The following ZNF671 variants were observed in gnomAD, a reference collection of about 807,000 sequenced individuals.
ZNF671 encodes hypothetical protein FLJ23506.
A neutral mutation model predicts 16.6 loss-of-function variants in ZNF671; 19 were observed. The ratio of observed to expected loss-of-function variants is 1.14; its 90% CI spans 0.80 to 1.68. ZNF671 has a LOEUF of 1.68. ZNF671 is among the 40% of genes most tolerant of loss of function. The pLI, the probability that ZNF671 is intolerant of heterozygous loss-of-function variation, is 0.00. For synonymous variants in ZNF671, 238 were observed against 236.3 expected (o/e 1.01, Z -0.06); for missense variants, 637 against 659.8 (o/e 0.97, Z 0.38).
chr19:57,720,621 T>C lies in ZNF671; in HGVS notation c.1465A>G (p.Thr489Ala), dbSNP rs1346994059. Residue 489 changes from threonine (T) to alanine (A), a missense_variant, in exon 4 of 4, where the codon ACT becomes GCT. By Grantham distance (58) the Thr-to-Ala change is moderately conservative. Transcript: ENST00000317398. ...YECSKCGKAF[T>A]QRPNLIRHWK... is the part of the protein sequence containing the mutation. ...TGCCTGATGAGGTTGGGTCTTTGAGTGAAGGCTTTCCCGCACTTGCTGCAC... is the reference window on the plus strand; with the variant it reads ...TGCCTGATGAGGTTGGGTCTTTGAGCGAAGGCTTTCCCGCACTTGCTGCAC... 7 of 1,614,050 alleles carry C rather than the reference T, an allele frequency of 4.3e-6. No homozygotes were observed. The highest frequency in any genetic ancestry group is 5.9e-6 in the Non-Finnish European group (7 of 1,180,048).
Position 57,721,585 on chromosome 19 carries a change from G to C in ZNF671, c.501C>G (p.Asp167Glu). 6.2e-7 allele frequency: 1 copy of C among 1,614,150 alleles called. No homozygotes were observed. The highest frequency in any genetic ancestry group is 8.5e-7 in the Non-Finnish European group (1 of 1,180,042). ...LMAELESHPC[D>E]ICGPILKDTL... ...TATCTTTCAATATTGGGCCACATATGTCACATGGGTGAGACTCCAGCTCTG... is the reference window on the plus strand; with the variant it reads ...TATCTTTCAATATTGGGCCACATATCTCACATGGGTGAGACTCCAGCTCTG... Residue 167 changes from aspartate (D) to glutamate (E), a missense_variant, in exon 4 of 4, where the codon GAC becomes GAG. Coordinates refer to ENST00000317398, the MANE Select transcript of ZNF671 (RefSeq NM_024833.3).
chr19:57,726,601 C>A (rs972481202), intron 1 of ZNF671, among the ~76,000 whole-genome samples: 5 of 152,040 alleles, frequency 3.3e-5, no homozygotes, highest in African/African-American at 4.8e-5. Flanking sequence ...TTAAGACTGC[C>A]CCACTTAAAT....
chr19:57,722,937 GA>G (rs1257550137), intron 2 of ZNF671, among the ~76,000 whole-genome samples: 1 of 152,044 alleles, frequency 6.6e-6, no homozygotes, highest in Non-Finnish European at 1.5e-5. Flanking sequence ...GAAAGGGACA[GA>G]ACCTTGGGCA....
chr19:57,723,395 A>T, intron 1 of ZNF671, 55 bp from the exon 2 acceptor site: 1 of 1,554,692 alleles, frequency 6.4e-7, no homozygotes, highest in Admixed American at 1.9e-5. Context: ...AATGATCCCC[A>T]GTCTACCTAC....
rs200134520 is a variant in ZNF671 at position 57,720,633 on chromosome 19, C to T, written c.1453G>A (p.Gly485Arg). ...TTGGGTCTTTGAGTGAAGGCTTTCC[C>T]GCACTTGCTGCACTCATAAGGCTTT... ...GEKPYECSKCGKAFTQRPNLI... is the reference protein window; with the variant it reads ...GEKPYECSKCRKAFTQRPNLI... Residue 485 changes from glycine (G) to arginine (R), a missense_variant, in exon 4 of 4, where the codon GGG becomes AGG. Transcript: ENST00000317398. 29 of 1,614,184 alleles carry T rather than the reference C, an allele frequency of 1.8e-5. No homozygotes were observed. The East Asian group carries it at 3.3e-4, about 19-fold the overall frequency.
chr19:57,720,283 G>C lies in ZNF671; in HGVS notation c.*198C>G. On this transcript the variant is annotated 3_prime_UTR_variant, in exon 4 of 4. Transcript: ENST00000317398. ...CCAGAGTTCCACTCTAGGGTGAGCT[G>C]TTGGGCTGAACAGAGACAGCACATT... The C allele has an allele frequency of 1.3e-6, 1 of 747,254 alleles. No individual in the cohort carries two copies. The highest frequency in any genetic ancestry group is 2.2e-6 in the Non-Finnish European group (1 of 458,174). 46.3% of individuals were successfully genotyped at this position (747,254 alleles called of 1,614,324 possible).
chr19:57,724,024 C>CA (rs1568468300), intron 1 of ZNF671, among the ~76,000 whole-genome samples: 1 of 140,230 alleles, frequency 7.1e-6, no homozygotes, highest in African/African-American at 2.8e-5. Context: ...AGTCTGGCGA[C>CA]AGAGTGAGAC....
rs1000798392 is a variant in ZNF671 at position 57,720,122 on chromosome 19, A to G, written c.*359T>C. 7 of 243,528 alleles carry G rather than the reference A, an allele frequency of 2.9e-5. No individual in the cohort carries two copies. Among genetic ancestry groups the G allele is most frequent in the East Asian group, 8.4e-5 (1 of 11,946 alleles). The allele number at this position is 243,528 out of a possible 1,614,324, so 15.1% of individuals were successfully genotyped here. ...ATGGCTCCTGCCCCAGCAAAGGCCA[A>G]TAGCCATTTAAAAAGTGCAACACAG... On this transcript the variant is annotated 3_prime_UTR_variant, in exon 4 of 4. Transcript: ENST00000317398.
chr19:57,720,652 A>T lies in ZNF671; in HGVS notation c.1434T>A (p.Pro478=), dbSNP rs771536597. The T allele has an allele frequency of 1.2e-6, 2 of 1,614,166 alleles. No homozygotes were observed. The highest frequency in any genetic ancestry group is 2.2e-5 in the South Asian group (2 of 91,088). Residue 478 remains proline, a synonymous_variant, in exon 4 of 4, where the codon CCT becomes CCA. Transcript: ENST00000317398. ...CTTTCCCGCACTTGCTGCACTCATA[A>T]GGCTTTTCTCCAGAGTGAACTTTCT... is the stretch of plus-strand genomic sequence containing the variant. The part of the protein sequence containing the change: ...QHQKVHSGEK[P]YECSKCGKAF...
chr19:57,726,738 A>G (rs1253324040), intron 1 of ZNF671, among the ~76,000 whole-genome samples: 1 of 152,166 alleles, frequency 6.6e-6, no homozygotes, highest in Non-Finnish European at 1.5e-5. Context: ...CTCCACTCTG[A>G]GACATCTCAA....
intron 3 of ZNF671, 93 bp from the exon 4 acceptor site, chr19:57,721,790 G>A: frequency 1.3e-6 from 2 of 1,488,054 alleles, no homozygotes; most frequent in Non-Finnish European, 1.8e-6. Context: ...GCAGGAATAA[G>A]TTCATGAAAC....
Position 57,721,266 on chromosome 19 carries a change from G to C in ZNF671, c.820C>G (p.Leu274Val). ...TGTCCCATGAGAAAGCCACTCACAAGCTTAGTGCTCTTGTGGGGCTTCATG... is the reference window on the plus strand; with the variant it reads ...TGTCCCATGAGAAAGCCACTCACAACCTTAGTGCTCTTGTGGGGCTTCATG... Reference protein sequence around the residue: ...SSMKPHKSTKLVSGFLMGQRY... With the variant: ...SSMKPHKSTKVVSGFLMGQRY... The change falls in exon 4 of 4, where the codon CTT becomes GTT. Residue 274 changes from leucine (L) to valine (V), a missense_variant. Transcript: ENST00000317398. 6.3e-7 allele frequency: 1 copy of C among 1,592,966 alleles called. No homozygotes were observed. The highest frequency in any genetic ancestry group is 8.6e-7 in the Non-Finnish European group (1 of 1,167,852).
In ZNF671 at chr19:57,721,618, AG is replaced by A; in HGVS notation, c.467del (p.Thr156IlefsTer18). The A allele has an allele frequency of 6.2e-7, 1 of 1,614,192 alleles. No individual in the cohort carries two copies. Among genetic ancestry groups the A allele is most frequent in the South Asian group, 1.1e-5 (1 of 91,090 alleles). On this transcript the variant is annotated frameshift_variant, in exon 4 of 4. Transcript: ENST00000317398. LOFTEE classifies it low-confidence loss of function (END_TRUNC). Reference protein sequence around the residue: ...IFVAGVSEVRTLMAELESHPC... With the variant: ...IFVAGVSEVRXLMAELESHPC... ...GGTGAGACTCCAGCTCTGCCATGAG[AG>A]TCCTGACCTCTGACACTCCTGCTAC...
At chr19:57,722,507 A>G (rs1011171984) in intron 2 of ZNF671, 69 bp from the exon 3 acceptor site, 2 of 1,590,684 alleles carry the variant, frequency 1.3e-6, no homozygotes, top group African/African-American at 1.3e-5. Flanking sequence ...GATGGACTTC[A>G]GGTAAGAAAA....
Position 57,721,089 on chromosome 19 carries a change from T to C in ZNF671, c.997A>G (p.Thr333Ala). 1 of 1,614,164 alleles carries C rather than the reference T, an allele frequency of 6.2e-7. No homozygotes were observed. The highest frequency in any genetic ancestry group is 8.5e-7 in the Non-Finnish European group (1 of 1,180,014). The change falls in exon 4 of 4, where the codon ACA (threonine) becomes GCA (alanine). Residue 333 changes from threonine to alanine, a missense_variant. Coordinates refer to ENST00000317398, the MANE Select transcript of ZNF671 (RefSeq NM_024833.3). ...SQSYDLFKHQ[T>A]VHTGERPYEC... ...TATGGCCTTTCTCCAGTGTGAACTG[T>C]CTGGTGTTTAAAGAGGTCATAGCTT...
In ZNF671 at chr19:57,720,864, G is replaced by A. The variant is rs200810111; in HGVS notation, c.1222C>T (p.Arg408Trp). ...VCSECGKEFSRKHTLVLHQRT... is the reference protein window; with the variant it reads ...VCSECGKEFSWKHTLVLHQRT... ...TGGTGCAGAACAAGTGTGTGTTTCCGACTGAACTCTTTCCCACATTCGCTG... is the reference window on the plus strand; with the variant it reads ...TGGTGCAGAACAAGTGTGTGTTTCCAACTGAACTCTTTCCCACATTCGCTG... The change falls in exon 4 of 4, where the codon CGG (arginine) becomes TGG (tryptophan). Residue 408 changes from arginine to tryptophan, a missense_variant. Transcript: ENST00000317398. The A allele has an allele frequency of 8.1e-6, 13 of 1,613,974 alleles. No homozygotes were observed. Among genetic ancestry groups the A allele is most frequent in the East Asian group, 2.2e-5 (1 of 44,896 alleles).
rs887930410 is a variant in ZNF671, at chr19:57,720,745, G to A, written c.1341C>T (p.His447=). ...SSHLNVHWRI[H]SSDYECSRCG... ...ATCTGCTACACTCATAATCACTGCTGTGAATTCTCCAGTGTACATTAAGGT... is the reference window on the plus strand; with the variant it reads ...ATCTGCTACACTCATAATCACTGCTATGAATTCTCCAGTGTACATTAAGGT... Residue 447 remains histidine (H), a synonymous_variant, in exon 4 of 4, where the codon CAC becomes CAT. Coordinates refer to ENST00000317398, the MANE Select transcript of ZNF671 (RefSeq NM_024833.3). The A allele has an allele frequency of 6.2e-7, 1 of 1,614,222 alleles. No individual in the cohort carries two copies. The highest frequency in any genetic ancestry group is 1.1e-5 in the South Asian group (1 of 91,086).
chr19:57,726,461 C>G (rs1986053099), intron 1 of ZNF671, among the ~76,000 whole-genome samples: 1 of 152,094 alleles, frequency 6.6e-6, no homozygotes, highest in Non-Finnish European at 1.5e-5. Flanking sequence ...CCTGCAAACA[C>G]TGAAAAGAAC....
At chr19:57,727,341 T>A in intron 1 of ZNF671, 50 bp downstream of exon 1, 1 of 1,545,488 alleles carries the variant, frequency 6.5e-7, no homozygotes, top group South Asian at 1.2e-5. Context: ...CACTTTACGA[T>A]TCGGAGTCGG....
Sources: gnomAD v4.1 joint callset for allele counts (sites outside exome capture counted in the v4.1 genomes callset) on GRCh38, gnomAD v4.1.1 for gene constraint, MANE v1.5 for transcripts, NCBI Gene and HGNC (gene_info 2026-07-23, HGNC 2026-07-21) for gene names.